The following TMEM233 variants were observed in gnomAD, a reference collection of about 807,000 sequenced individuals.
TMEM233 encodes the protein dispanin subfamily B member 2.
TMEM233 carries 6 observed loss-of-function variants against 11.2 expected under a neutral mutation model. The ratio of observed to expected loss-of-function variants is 0.54; its 90% confidence interval spans 0.29 to 1.06. TMEM233 has a LOEUF of 1.06. Ranked by LOEUF, TMEM233 falls within the 50% of genes least tolerant of loss-of-function variation. The probability of loss-of-function intolerance (pLI) is 0.08; values close to 1 mark genes in which losing one functional copy is unlikely to be tolerated. For synonymous variants in TMEM233, 59 were observed against 55.8 expected, an observed-to-expected ratio of 1.06 and a Z score of -0.26; for missense variants, 127 against 144.7, an observed-to-expected ratio of 0.88 and a Z score of 0.63.
intron 1 of TMEM233, among the ~76,000 whole-genome samples, chr12:119,596,487 C>CTTTTTT (rs34129084): frequency 5.6e-4 from 51 of 90,374 alleles, no homozygotes; most frequent in African/African-American, 1.2e-3. Flanking sequence ...AAGTTTGTAT[C>CTTTTTT]TTTTTTTTTT....
chr12:119,613,229 AAG>A (rs1302872601), intron 1 of TMEM233, among the ~76,000 whole-genome samples: 1 of 151,380 alleles, frequency 6.6e-6, no homozygotes, highest in African/African-American at 2.4e-5. Flanking sequence ...AAAAAAAAAA[AAG>A]GGCTACAGGT....
At chr12:119,613,746 T>C (rs1316255503) in intron 1 of TMEM233, among the ~76,000 whole-genome samples, 1 of 151,818 alleles carries the variant, frequency 6.6e-6, no homozygotes, top group African/African-American at 2.4e-5. Flanking sequence ...GCCCAAGAGT[T>C]TGAGGCTGCA....
chr12:119,594,074 C>T lies in TMEM233; in HGVS notation c.186+40C>T. The T allele has an allele frequency of 6.5e-7, 1 of 1,545,222 alleles. No individual in the cohort carries two copies. Among genetic ancestry groups the T allele is most frequent in the Non-Finnish European group, 8.7e-7 (1 of 1,143,280 alleles). ...GCCAGAGGCAGCCTGGGAGGAGAGACCCGGGCGGCTTTGAGCCCCTGCAGG... is the reference window on the plus strand; with the variant it reads ...GCCAGAGGCAGCCTGGGAGGAGAGATCCGGGCGGCTTTGAGCCCCTGCAGG... On this transcript the variant is annotated intron_variant, in intron 1 of 2. Coordinates refer to ENST00000426426, the MANE Select transcript of TMEM233 (RefSeq NM_001136534.3). This position sits in a 1 kb window ranked among gnomAD's most constrained non-coding sequence, Gnocchi z 5.6.
At chr12:119,605,459 A>T (rs1336468804) in intron 1 of TMEM233, among the ~76,000 whole-genome samples, 1 of 114,378 alleles carries the variant, frequency 8.7e-6, no homozygotes, top group Non-Finnish European at 1.6e-5. Flanking sequence ...ACAGGGCCTC[A>T]CTCTGTTGCA....
At chr12:119,650,067 A>G in the TMEM233 span, among the ~76,000 whole-genome samples, 1 of 151,676 alleles carries the variant, frequency 6.6e-6, no homozygotes, top group Admixed American at 6.6e-5. Context: ...CTGAGGCAGG[A>G]GAATGGCGTG....
chr12:119,634,084 T>C (rs1417681653), intron 2 of TMEM233: 3 of 175,406 alleles, frequency 1.7e-5, no homozygotes, highest in Admixed American at 6.5e-5. Flanking sequence ...TGGTGGCCAT[T>C]CATGGACTGG....
In TMEM233 at chr12:119,594,048, G is replaced by C. The variant is rs1246303334; in HGVS notation, c.186+14G>C. 1.3e-6 allele frequency: 2 copies of C among 1,550,830 alleles called. No homozygotes were observed. Among genetic ancestry groups the C allele is most frequent in the East Asian group, 2.4e-5 (1 of 40,892 alleles). On this transcript the variant is annotated intron_variant, in intron 1 of 2. Coordinates refer to ENST00000426426, the MANE Select transcript of TMEM233 (RefSeq NM_001136534.3). The surrounding 1 kb of genome is among the most constrained non-coding windows in gnomAD (Gnocchi z 5.6). ...TTTTCCATCATGGTGAGTGAATCAC[G>C]GCCAGAGGCAGCCTGGGAGGAGAGA...
intron 1 of TMEM233, among the ~76,000 whole-genome samples, chr12:119,605,651 A>C (rs944085033): frequency 6.6e-5 from 10 of 150,628 alleles, no homozygotes; most frequent in Non-Finnish European, 1.3e-4. Context: ...CTGGTCTTGA[A>C]CTCCTGTGCT....
chr12:119,599,434 T>A (rs927868323), intron 1 of TMEM233, among the ~76,000 whole-genome samples: 8 of 151,716 alleles, frequency 5.3e-5, no homozygotes, highest in Non-Finnish European at 8.8e-5. Context: ...CCCAGAATTT[T>A]AAAAAAAATC....
At chr12:119,654,087 C>T in the TMEM233 span, among the ~76,000 whole-genome samples, 3 of 151,502 alleles carry the variant, frequency 2.0e-5, no homozygotes, top group South Asian at 2.1e-4. Context: ...TGATACATCA[C>T]GTACATGGAA....
rs1280562682 is a variant in TMEM233, at chr12:119,617,603, G to T, written c.187-12133G>T. 5.9e-5 allele frequency among the ~76,000 whole-genome samples: 9 copies of T among 152,170 alleles called. No individual in the cohort carries two copies. The East Asian group carries it at 1.7e-3, about 29-fold the overall frequency. On this transcript the variant is annotated intron_variant, in intron 1 of 2. Coordinates refer to ENST00000426426, the MANE Select transcript of TMEM233 (RefSeq NM_001136534.3). ...AATCCCAGCACTCTGAGAGGCCAAGGTGGGCAGATTACCTGAGGTTAGGAG... is the reference window on the plus strand; with the variant it reads ...AATCCCAGCACTCTGAGAGGCCAAGTTGGGCAGATTACCTGAGGTTAGGAG...
At chr12:119,620,976 G>A (rs908968809) in intron 1 of TMEM233, among the ~76,000 whole-genome samples, 6 of 151,558 alleles carry the variant, frequency 4.0e-5, no homozygotes, top group Middle Eastern at 7.0e-3. Flanking sequence ...AAACTCCTGC[G>A]CTCAAGCAAT....
chr12:119,626,984 C>G (rs1455252421), intron 1 of TMEM233, among the ~76,000 whole-genome samples: 1 of 152,172 alleles, frequency 6.6e-6, no homozygotes, highest in Non-Finnish European at 1.5e-5. Flanking sequence ...CTGCTGAGCC[C>G]AATAACCCTT....
chr12:119,610,217 C>T (rs1489451302), intron 1 of TMEM233, among the ~76,000 whole-genome samples: 1 of 152,180 alleles, frequency 6.6e-6, no homozygotes, highest in African/African-American at 2.4e-5. Flanking sequence ...CAATTTCTCC[C>T]ATTTAGAATG....
At chr12:119,618,044 C>T (rs942423501) in intron 1 of TMEM233, among the ~76,000 whole-genome samples, 6 of 152,206 alleles carry the variant, frequency 3.9e-5, no homozygotes, top group Non-Finnish European at 8.8e-5. Flanking sequence ...CTGTGTGCAG[C>T]CTCTGGACAT....
intron 2 of TMEM233, among the ~76,000 whole-genome samples, chr12:119,639,372 C>G (rs1239365249): frequency 2.0e-5 from 3 of 151,870 alleles, no homozygotes; most frequent in South Asian, 2.1e-4. Flanking sequence ...AATCCCAGCA[C>G]TTTGGGAGGC....
chr12:119,651,322 C>T, the TMEM233 span, among the ~76,000 whole-genome samples: 2 of 152,206 alleles, frequency 1.3e-5, no homozygotes, highest in African/African-American at 4.8e-5. Context: ...GCTCTTCAGG[C>T]TACAAACTTC....
At chr12:119,628,287 G>C (rs1330927553) in intron 1 of TMEM233, among the ~76,000 whole-genome samples, 18 of 151,694 alleles carry the variant, frequency 1.2e-4, no homozygotes, top group Non-Finnish European at 1.5e-5. Context: ...AGCTTCCCGA[G>C]TAGCTGGGAT....
intron 1 of TMEM233, among the ~76,000 whole-genome samples, chr12:119,626,913 A>G (rs1467077407): frequency 6.6e-6 from 1 of 152,240 alleles, no homozygotes; most frequent in Non-Finnish European, 1.5e-5. Context: ...AGTACTAGAA[A>G]CAAGGATGAT....
Sources: allele counts gnomAD v4.1 joint callset (sites outside exome capture counted in the v4.1 genomes callset), GRCh38; gene constraint gnomAD v4.1.1; non-coding constraint Gnocchi (gnomAD v3.1); transcripts MANE v1.5; gene names NCBI Gene and HGNC (gene_info 2026-07-23, HGNC 2026-07-21).